The following POLA1 variants were observed in gnomAD, a reference collection of about 807,000 sequenced individuals.
POLA1 encodes the protein DNA polymerase alpha catalytic subunit.
In POLA1, 15 loss-of-function variants were observed where a neutral mutation model predicts 124.0. The ratio of observed to expected loss-of-function variants is 0.12; its 90% CI spans 0.08 to 0.19. The LOEUF is 0.19. Among genes scored for constraint, POLA1 ranks in the 10% least tolerant of loss-of-function variants. The pLI is 1.00. For missense variants in POLA1, 886 were observed against 1,103.4 expected (o/e 0.80, Z 2.79); for synonymous variants, 408 against 389.4 (o/e 1.05, Z -0.56).
intron 30 of POLA1, among the ~76,000 whole-genome samples, chrX:24,820,082 G>C (rs965421713): frequency 8.9e-5 from 10 of 111,979 alleles, no homozygotes; most frequent in African/African-American, 2.9e-4. Context: ...TTGGTTCCAA[G>C]TCTTTGCTAT....
At chrX:24,916,287 C>CTTTTTTTTTTTT (rs1301083848) in intron 35 of POLA1, among the ~76,000 whole-genome samples, 1 of 95,162 alleles carries the variant, frequency 1.1e-5, no homozygotes, top group African/African-American at 4.0e-5. Context: ...TTTCTTTTTT[C>CTTTTTTTTTTTT]TTTTTTTTTT....
At chrX:24,994,843 T>C (rs753996093) in intron 36 of POLA1, among the ~76,000 whole-genome samples, 10 of 111,143 alleles carry the variant, frequency 9.0e-5, no homozygotes, top group Non-Finnish European at 1.7e-4. Flanking sequence ...GTGATCACTC[T>C]CTTCACCCAA....
At chrX:24,834,543 G>A (rs778228883) in intron 32 of POLA1, among the ~76,000 whole-genome samples, 379 of 112,047 alleles carry the variant, frequency 3.4e-3, no homozygotes, top group African/African-American at 0.012. Flanking sequence ...AGGCCAAGGC[G>A]GGTGGATTAC....
At chrX:24,909,570 G>C (rs1244124916) in intron 35 of POLA1, among the ~76,000 whole-genome samples, 1 of 110,132 alleles carries the variant, frequency 9.1e-6, no homozygotes, top group Admixed American at 9.7e-5. Flanking sequence ...ATTTCTGAGG[G>C]CTCTGTTCTG....
intron 36 of POLA1, among the ~76,000 whole-genome samples, chrX:24,947,913 C>A (rs757019715): frequency 1.9e-4 from 21 of 112,311 alleles, no homozygotes; most frequent in Non-Finnish European, 3.8e-4. Flanking sequence ...ACAGAGTAAT[C>A]ATTGCACGAT....
chrX:24,750,808 G>A (rs1393179417), intron 26 of POLA1, among the ~76,000 whole-genome samples: 1 of 111,342 alleles, frequency 9.0e-6, no homozygotes, highest in Admixed American at 9.5e-5. Flanking sequence ...TATGACTCTG[G>A]TTCTGCTTTA....
chrX:24,858,491 C>T (rs775010671), intron 34 of POLA1, among the ~76,000 whole-genome samples: 1 of 112,165 alleles, frequency 8.9e-6, no homozygotes, highest in African/African-American at 3.2e-5. Flanking sequence ...CTTCAGCTTT[C>T]CATCTATAGG....
intron 1 of POLA1, among the ~76,000 whole-genome samples, chrX:24,694,356 A>G (rs1927828307): frequency 8.9e-6 from 1 of 112,876 alleles, no homozygotes; most frequent in Non-Finnish European, 1.9e-5. Flanking sequence ...CTCCCTAAGT[A>G]TCCACTTGAA....
chrX:24,808,479 G>C (rs1329785415), intron 26 of POLA1, among the ~76,000 whole-genome samples: 2 of 104,918 alleles, frequency 1.9e-5, no homozygotes, highest in African/African-American at 7.0e-5. Flanking sequence ...TGCAATGTAA[G>C]AAAATGTAAG....
intron 36 of POLA1, among the ~76,000 whole-genome samples, chrX:24,951,371 C>T (rs922812354): frequency 3.9e-5 from 3 of 76,861 alleles, no homozygotes; most frequent in Admixed American, 2.0e-4. Context: ...CAAATGCAGA[C>T]GAGGATATTT....
At chrX:24,893,194 A>G (rs1206903225) in intron 35 of POLA1, among the ~76,000 whole-genome samples, 1 of 111,629 alleles carries the variant, frequency 9.0e-6, no homozygotes, top group Non-Finnish European at 1.9e-5. Context: ...TCCGTGTAGG[A>G]AGAGAACCTT....
intron 4 of POLA1, 80 bp from the exon 5 acceptor site, chrX:24,714,474 A>G: frequency 3.6e-6 from 2 of 559,759 alleles, no homozygotes; most frequent in Non-Finnish European, 5.9e-6. Flanking sequence ...TCTTCCCAAT[A>G]GAGATCAAGT....
At chrX:24,729,775 AT>A (rs373479807) in intron 15 of POLA1, among the ~76,000 whole-genome samples, 5,475 of 102,178 alleles carry the variant, frequency 0.054, 257 homozygotes, top group African/African-American at 0.15. Flanking sequence ...GTATTTTCTG[AT>A]TTTTTTTTTT....
At chrX:24,863,350 G>A (rs1038397307) in intron 34 of POLA1, among the ~76,000 whole-genome samples, 6 of 110,166 alleles carry the variant, frequency 5.4e-5, no homozygotes, top group African/African-American at 2.0e-4. Context: ...ATCAAAGCAG[G>A]CTTTTTTCCC....
intron 2 of POLA1, among the ~76,000 whole-genome samples, chrX:24,702,821 C>T (rs1440017488): frequency 8.9e-6 from 1 of 112,329 alleles, no homozygotes; most frequent in African/African-American, 3.2e-5. Context: ...TGAAAATTAT[C>T]GTCTATTTGC....
At chrX:24,852,791 A>C (rs2046583269) in intron 34 of POLA1, among the ~76,000 whole-genome samples, 1 of 111,561 alleles carries the variant, frequency 9.0e-6, no homozygotes, top group African/African-American at 3.3e-5. Flanking sequence ...CCTTGGCCTC[A>C]TTCAGACCAT....
chrX:24,785,342 G>C (rs2045341781), intron 26 of POLA1, among the ~76,000 whole-genome samples: 1 of 111,688 alleles, frequency 9.0e-6, no homozygotes, highest in Non-Finnish European at 1.9e-5. Flanking sequence ...GTGTAAGAAT[G>C]GTCTCATGAG....
chrX:24,697,294 T>C (rs1372412010), intron 1 of POLA1, among the ~76,000 whole-genome samples: 4 of 111,202 alleles, frequency 3.6e-5, no homozygotes, highest in Non-Finnish European at 1.9e-5. Context: ...GTAAGTGCAT[T>C]TGAAGACCTA....
chrX:24,813,289 T>G (rs2045934378), intron 29 of POLA1, among the ~76,000 whole-genome samples: 1 of 111,318 alleles, frequency 9.0e-6, no homozygotes, highest in African/African-American at 3.3e-5. Context: ...GCTTAAAATG[T>G]TCTGGGACTC....
Sources: gnomAD v4.1 joint callset for allele counts (sites outside exome capture counted in the v4.1 genomes callset) on GRCh38, gnomAD v4.1.1 for gene constraint, MANE v1.5 for transcripts, NCBI Gene and HGNC (gene_info 2026-07-23, HGNC 2026-07-21) for gene names.